The following FRMD4A variants were observed in gnomAD, a reference collection of about 807,000 sequenced individuals.
FRMD4A encodes the protein FERM domain containing 4A.
In FRMD4A, 29 loss-of-function variants were observed where a neutral mutation model predicts 129.1. The ratio of observed to expected loss-of-function variants is 0.22; its 90% CI spans 0.17 to 0.31. The LOEUF (loss-of-function observed/expected upper bound fraction) is 0.31, where lower values mean the gene tolerates loss of function less well. FRMD4A is among the 10% of genes least tolerant of loss of function. The pLI is 1.00. For missense variants in FRMD4A, 1,272 were observed against 1,375.8 expected (o/e 0.92, Z 1.19); for synonymous variants, 634 against 571.6 (o/e 1.11, Z -1.56).
At chr10:14,191,228 T>C (rs1480338053) in intron 2 of FRMD4A, among the ~76,000 whole-genome samples, 1 of 152,216 alleles carries the variant, frequency 6.6e-6, no homozygotes, top group Non-Finnish European at 1.5e-5. Flanking sequence ...AAGTTAGCCA[T>C]TGGCTTCTTT....
chr10:13,874,342 A>G (rs2094469427), intron 2 of FRMD4A, among the ~76,000 whole-genome samples: 1 of 151,910 alleles, frequency 6.6e-6, no homozygotes, highest in African/African-American at 2.4e-5. Flanking sequence ...AGGAATATAA[A>G]TGAACTGCAC....
intron 7 of FRMD4A, 126 bp from the exon 8 acceptor site, chr10:13,761,795 T>A: frequency 1.5e-6 from 1 of 649,174 alleles, no homozygotes; most frequent in East Asian, 2.6e-5. Context: ...GCAGTTATCA[T>A]CCTATTTGCT....
rs1243481356 is a variant in FRMD4A, at chr10:13,706,763, CA to C, written c.836+273del. 3.4e-4 allele frequency among the ~76,000 whole-genome samples: 51 copies of C among 151,646 alleles called. 1 individual carries two copies. The highest frequency in any genetic ancestry group is 3.4e-3 in the South Asian group (16 of 4,770). ...ACACATACACTGACACACACACACA[CA>C]CACACACACACACACGAGCCAGGGA... On this transcript the variant is annotated intron_variant, in intron 13 of 24. Coordinates refer to ENST00000357447, the MANE Select transcript of FRMD4A (RefSeq NM_018027.5).
chr10:14,209,700 G>A (rs1037684480), intron 2 of FRMD4A, among the ~76,000 whole-genome samples: 3 of 142,408 alleles, frequency 2.1e-5, no homozygotes, highest in South Asian at 2.2e-4. Flanking sequence ...CAGCCTGGGC[G>A]ACAGAGCGAG....
chr10:14,255,085 C>T (rs1043330577), intron 2 of FRMD4A, among the ~76,000 whole-genome samples: 4 of 152,164 alleles, frequency 2.6e-5, no homozygotes, highest in South Asian at 2.1e-4. Context: ...AATGTGCAAC[C>T]GTCTCAAAAT....
intron 2 of FRMD4A, among the ~76,000 whole-genome samples, chr10:14,294,606 A>T (rs1004128883): frequency 2.0e-5 from 3 of 152,214 alleles, no homozygotes; most frequent in African/African-American, 4.8e-5. Flanking sequence ...GTATTCTTTT[A>T]AAAAAAGACT....
At chr10:14,013,899 C>A (rs1555014507) in intron 2 of FRMD4A, among the ~76,000 whole-genome samples, 1 of 152,148 alleles carries the variant, frequency 6.6e-6, no homozygotes, top group Non-Finnish European at 1.5e-5. Flanking sequence ...CCATTGCACT[C>A]CAGCCTGGGC....
chr10:13,739,195 A>C (rs10906460), intron 11 of FRMD4A, among the ~76,000 whole-genome samples: 56,512 of 152,044 alleles, frequency 0.37, 10,876 homozygotes, highest in Non-Finnish European at 0.4. Context: ...AAAAGAGATA[A>C]ATTTTGAAAT....
In FRMD4A at chr10:13,740,526, A is replaced by G; in HGVS notation, c.600T>C (p.Gly200=). The G allele has an allele frequency of 1.3e-6, 2 of 1,585,594 alleles. No individual in the cohort carries two copies. Among genetic ancestry groups the G allele is most frequent in the Non-Finnish European group, 1.7e-6 (2 of 1,156,590 alleles). Residue 200 remains glycine (G), a synonymous_variant, in exon 10 of 25, where the codon GGT becomes GGC. Transcript: ENST00000357447. ...HYKKLNGQTR[G]QAIVNYMSIV... ...GGGCCACTTACTTTACGATTGCTTG[A>G]CCTCTTGTCTGACCGTTCAGTTTCT...
chr10:13,838,355 A>G (rs1056729241), intron 3 of FRMD4A, among the ~76,000 whole-genome samples: 1 of 150,288 alleles, frequency 6.7e-6, no homozygotes, highest in Non-Finnish European at 1.5e-5. Flanking sequence ...TGCCCTCCCA[A>G]TGTGTTGGGA....
intron 2 of FRMD4A, among the ~76,000 whole-genome samples, chr10:13,963,541 C>T (rs185779058): frequency 6.6e-6 from 1 of 152,118 alleles, no homozygotes; most frequent in African/African-American, 2.4e-5. Context: ...AAAAACGAAT[C>T]ATTGAAAACC....
chr10:14,205,028 G>T (rs911354988), intron 2 of FRMD4A, among the ~76,000 whole-genome samples: 2 of 148,450 alleles, frequency 1.3e-5, no homozygotes, highest in Non-Finnish European at 3.0e-5. Context: ...CCTTACCAAA[G>T]TTCTGCCTGA....
chr10:14,125,554 C>T (rs552341520), intron 2 of FRMD4A, among the ~76,000 whole-genome samples: 9 of 152,268 alleles, frequency 5.9e-5, no homozygotes, highest in East Asian at 1.9e-4. Flanking sequence ...GTGAGAGGGG[C>T]GTTTTGCCTG....
intron 12 of FRMD4A, among the ~76,000 whole-genome samples, chr10:13,716,809 T>G (rs2088853173): frequency 6.6e-6 from 1 of 152,240 alleles, no homozygotes; most frequent in Non-Finnish European, 1.5e-5. Flanking sequence ...GGACTTGATT[T>G]CCTTGTAATT....
chr10:14,062,856 A>T lies in FRMD4A; in HGVS notation c.46-203944T>A, dbSNP rs368542306. Among the ~76,000 whole-genome samples the T allele has an allele frequency of 1.6e-4, 25 of 152,334 alleles. No homozygotes were observed. In the South Asian group the frequency reaches 4.4e-3, roughly 27 times the overall value. ...CAGTGAGATCATGCCATTGCACTCCAGTGAAAGGGGAAGATACATGGATGG... is the reference window on the plus strand; with the variant it reads ...CAGTGAGATCATGCCATTGCACTCCTGTGAAAGGGGAAGATACATGGATGG... On this transcript the variant is annotated intron_variant, in intron 2 of 24. Coordinates refer to ENST00000357447, the MANE Select transcript of FRMD4A (RefSeq NM_018027.5).
chr10:13,938,048 A>C (rs2095262295), intron 2 of FRMD4A, among the ~76,000 whole-genome samples: 1 of 152,238 alleles, frequency 6.6e-6, no homozygotes, highest in Non-Finnish European at 1.5e-5. Flanking sequence ...AAAGTCTGAA[A>C]AAGGAATTTA....
chr10:13,694,387 C>G (rs2086018117), intron 14 of FRMD4A, among the ~76,000 whole-genome samples: 1 of 152,190 alleles, frequency 6.6e-6, no homozygotes, highest in Non-Finnish European at 1.5e-5. Context: ...ATGCCACTCA[C>G]CACCCAGGGG....
rs1589231666 is a variant in FRMD4A at position 13,657,536 on chromosome 10, A to C, written c.2067-14T>G. ...ATGTCCACCGACCTGCCGGGAGACG[A>C]CCCGGGTTGGTCTGGGGGTGGGGAG... is the stretch of plus-strand genomic sequence containing the variant. On this transcript the variant is annotated splice_polypyrimidine_tract_variant and intron_variant, in intron 21 of 24. Coordinates refer to ENST00000357447, the MANE Select transcript of FRMD4A (RefSeq NM_018027.5). 52 of 1,375,366 alleles carry C rather than the reference A, an allele frequency of 3.8e-5. No individual in the cohort carries two copies. The highest frequency in any genetic ancestry group is 1.9e-4 in the South Asian group (13 of 66,958). 85.2% of individuals were successfully genotyped at this position (1,375,366 alleles called of 1,614,324 possible).
At chr10:13,740,669 A>G (rs2090936424) in intron 9 of FRMD4A, 92 bp from the exon 10 acceptor site, 1 of 705,728 alleles carries the variant, frequency 1.4e-6, no homozygotes, top group Non-Finnish European at 2.5e-6. Context: ...CCCATCTCAT[A>G]AGAAGCTCCA....
Sources: gnomAD v4.1 joint callset for allele counts (sites outside exome capture counted in the v4.1 genomes callset) on GRCh38, gnomAD v4.1.1 for gene constraint, MANE v1.5 for transcripts, NCBI Gene and HGNC (gene_info 2026-07-23, HGNC 2026-07-21) for gene names.